LRRC37A2: variants seen among roughly 807,000 people sequenced by gnomAD.
LRRC37A2 encodes leucine-rich repeat-containing protein 37A2.
A neutral mutation model predicts 68.8 loss-of-function variants in LRRC37A2; 9 were observed. The ratio of observed to expected loss-of-function variants is 0.13; its 90% confidence interval spans 0.08 to 0.23. The LOEUF is 0.23. Among genes scored for constraint, LRRC37A2 ranks in the 10% least tolerant of loss-of-function variants. LRRC37A2 has a pLI of 1.00. For missense variants in LRRC37A2, 168 were observed against 950.4 expected (o/e 0.18, Z 10.82); for synonymous variants, 63 against 367.6 (o/e 0.17, Z 9.48).
At chr17:46,739,530 A>G in the LRRC37A2 span, among the ~76,000 whole-genome samples, 2 of 151,894 alleles carry the variant, frequency 1.3e-5, no homozygotes, top group Non-Finnish European at 2.9e-5. Flanking sequence ...CCAGAGTGAG[A>G]CCTTGTCTCG....
intron 9 of LRRC37A2, among the ~76,000 whole-genome samples, chr17:46,547,028 C>T (rs1360836090): frequency 1.4e-4 from 1 of 6,902 alleles, no homozygotes; most frequent in African/African-American, 1.2e-3. Context: ...TTAGCATCAA[C>T]TTCATGACTT....
At chr17:46,935,475 G>A in the LRRC37A2 span, 10 of 1,367,030 alleles carry the variant, frequency 7.3e-6, no homozygotes, top group African/African-American at 7.3e-5. Context: ...CACAGGCTGA[G>A]AAATTGTGTT....
At chr17:46,722,023 G>T in the LRRC37A2 span, 1 of 1,608,494 alleles carries the variant, frequency 6.2e-7, no homozygotes, top group South Asian at 1.1e-5. Flanking sequence ...CAGTTTCCTT[G>T]GCTGCCGTAA....
At chr17:46,989,419 G>A in the LRRC37A2 span, among the ~76,000 whole-genome samples, 3 of 152,184 alleles carry the variant, frequency 2.0e-5, no homozygotes, top group Non-Finnish European at 2.9e-5. Context: ...TTGAGGAATC[G>A]CTCTTCCCCA....
chr17:46,729,701 CTG>C, the LRRC37A2 span, among the ~76,000 whole-genome samples: 3 of 152,098 alleles, frequency 2.0e-5, no homozygotes, highest in Non-Finnish European at 4.4e-5. Context: ...ATCTTAATGT[CTG>C]TATGAGAATC....
chr17:47,003,008 A>G, the LRRC37A2 span, among the ~76,000 whole-genome samples: 1 of 152,074 alleles, frequency 6.6e-6, no homozygotes, highest in East Asian at 1.9e-4. Context: ...TCCTAGCACC[A>G]AGGCAAGTGG....
chr17:46,934,980 G>C, the LRRC37A2 span: 1 of 1,575,122 alleles, frequency 6.3e-7, no homozygotes, highest in Non-Finnish European at 8.7e-7. Flanking sequence ...GAGACCCCAG[G>C]AACTGACTGA....
At chr17:46,569,153 G>A in the LRRC37A2 span, among the ~76,000 whole-genome samples, 1 of 151,412 alleles carries the variant, frequency 6.6e-6, no homozygotes, top group Non-Finnish European at 1.5e-5. Context: ...TCACCATGTT[G>A]GCCAGGCTGG....
the LRRC37A2 span, among the ~76,000 whole-genome samples, chr17:46,493,785 C>T: frequency 8.0e-5 from 12 of 150,810 alleles, no homozygotes; most frequent in East Asian, 2.1e-3. Flanking sequence ...GATCCTCCTG[C>T]CTCGGCCTCC....
At chr17:46,941,253 C>T in the LRRC37A2 span, 2 of 991,486 alleles carry the variant, frequency 2.0e-6, no homozygotes, top group South Asian at 4.6e-5. Flanking sequence ...GAGTTCTGTA[C>T]ACCCTTTGCC....
At chr17:46,944,808 C>G in the LRRC37A2 span, among the ~76,000 whole-genome samples, 1 of 152,108 alleles carries the variant, frequency 6.6e-6, no homozygotes, top group Non-Finnish European at 1.5e-5. Flanking sequence ...CCATGTTGGG[C>G]AGGCTGGTCT....
the LRRC37A2 span, among the ~76,000 whole-genome samples, chr17:46,945,953 C>G: frequency 6.6e-6 from 1 of 152,146 alleles, no homozygotes; most frequent in Admixed American, 6.5e-5. Context: ...TGATTTCTTC[C>G]AGGAAACCAT....
At chr17:46,965,037 C>G in the LRRC37A2 span, 1 of 152,172 alleles carries the variant, frequency 6.6e-6, no homozygotes, top group African/African-American at 2.4e-5. Flanking sequence ...TTTTCACCCT[C>G]CGGTAAGTAC....
At chr17:46,842,809 A>G in the LRRC37A2 span, among the ~76,000 whole-genome samples, 1 of 152,256 alleles carries the variant, frequency 6.6e-6, no homozygotes, top group Non-Finnish European at 1.5e-5. Flanking sequence ...GACAGAAGCT[A>G]TGAGAAAATC....
At chr17:46,851,165 G>A in the LRRC37A2 span, among the ~76,000 whole-genome samples, 52 of 151,900 alleles carry the variant, frequency 3.4e-4, no homozygotes, top group Admixed American at 1.6e-3. The surrounding 1 kb of genome is among the most constrained non-coding windows in gnomAD (Gnocchi z 4.3). Flanking sequence ...AATGACCCGG[G>A]TTTTCCACCG....
At chr17:46,711,804 C>G in the LRRC37A2 span, among the ~76,000 whole-genome samples, 1 of 152,132 alleles carries the variant, frequency 6.6e-6, no homozygotes, top group Non-Finnish European at 1.5e-5. Flanking sequence ...CATATTAAGC[C>G]ATGACTTGAC....
chr17:46,786,475 C>T, the LRRC37A2 span, among the ~76,000 whole-genome samples: 41 of 152,216 alleles, frequency 2.7e-4, no homozygotes, highest in Non-Finnish European at 5.6e-4. Flanking sequence ...GCAGGGACCT[C>T]ACTCTTCAGA....
the LRRC37A2 span, among the ~76,000 whole-genome samples, chr17:46,806,838 C>G: frequency 6.6e-6 from 1 of 152,242 alleles, no homozygotes; most frequent in African/African-American, 2.4e-5. Context: ...CCCCTCTGCT[C>G]CTCCTTGGGG....
the LRRC37A2 span, among the ~76,000 whole-genome samples, chr17:46,917,535 G>A: frequency 7.9e-5 from 12 of 152,198 alleles, no homozygotes; most frequent in African/African-American, 7.2e-5. Context: ...TTCTAGGCTC[G>A]GTCCATGCAG....
Sources: allele counts gnomAD v4.1 joint callset (sites outside exome capture counted in the v4.1 genomes callset), GRCh38; gene constraint gnomAD v4.1.1; non-coding constraint Gnocchi (gnomAD v3.1); transcripts MANE v1.5; gene names NCBI Gene and HGNC (gene_info 2026-07-23, HGNC 2026-07-21).